The following WNK2 variants were observed in gnomAD, a reference collection of about 807,000 sequenced individuals.
The protein encoded by WNK2 is serine/threonine-protein kinase WNK2.
In WNK2, 67 loss-of-function variants were observed where a neutral mutation model predicts 192.1. The observed-to-expected ratio is 0.35, with a 90% CI of 0.29 to 0.43. WNK2 has a LOEUF of 0.43. Among genes scored for constraint, WNK2 ranks in the 20% least tolerant of loss-of-function variants. The probability of loss-of-function intolerance (pLI) is 1.00; values close to 1 mark genes in which losing one functional copy is unlikely to be tolerated. For missense variants in WNK2, 2,698 were observed against 3,089.7 expected (o/e 0.87, Z 3.01); for synonymous variants, 1,439 against 1,393.9 (o/e 1.03, Z -0.72).
At position 93,256,439 on chromosome 9, in the gene WNK2, AC is replaced by A; in HGVS notation, c.2181del (p.Gly728AlafsTer48). On this transcript the variant is annotated frameshift_variant, in exon 10 of 30. Coordinates refer to ENST00000427277, the MANE Select transcript of WNK2 (RefSeq NM_006648.4). LOFTEE classifies it high-confidence loss of function. ...PMPTGPGQPA[P>X]PGQQPPPLAQ... ...TGCCCACGGGCCCAGGCCAGCCAGCACCCCCCGGCCAGCAGGTGAGTGTGGC... is the reference window on the plus strand; with the variant it reads ...TGCCCACGGGCCCAGGCCAGCCAGCACCCCCGGCCAGCAGGTGAGTGTGGC... 5 of 1,526,528 alleles carry A rather than the reference AC, an allele frequency of 3.3e-6. No individual in the cohort carries two copies. Among genetic ancestry groups the A allele is most frequent in the East Asian group, 2.5e-5 (1 of 40,410 alleles). 94.6% of individuals were successfully genotyped at this position (1,526,528 alleles called of 1,614,324 possible).
chr9:93,253,618 T>C (rs890988208), intron 9 of WNK2, among the ~76,000 whole-genome samples: 5 of 151,780 alleles, frequency 3.3e-5, no homozygotes, highest in Admixed American at 2.6e-4. Flanking sequence ...CTCCCAGATA[T>C]TGTGTAGCGG....
intron 9 of WNK2, 34 bp downstream of exon 9, chr9:93,253,116 A>T (rs4744203): frequency 0.64 from 854,397 of 1,340,546 alleles, 276,123 homozygotes; most frequent in Non-Finnish European, 0.66. Flanking sequence ...CCCCTTCCCC[A>T]TCCCCATTAC....
chr9:93,204,339 G>A (rs1053640526), intron 2 of WNK2, among the ~76,000 whole-genome samples: 1 of 152,210 alleles, frequency 6.6e-6, no homozygotes, highest in Non-Finnish European at 1.5e-5. Flanking sequence ...TCTGTCAGCC[G>A]CATGGAATGG....
chr9:93,234,738 G>A lies in WNK2; in HGVS notation c.1076-70G>A, dbSNP rs1035295578. The A allele has an allele frequency of 1.7e-5, 26 of 1,543,946 alleles. No individual in the cohort carries two copies. The African/African-American group carries it at 2.4e-4, about 15-fold the overall frequency. On this transcript the variant is annotated intron_variant, in intron 4 of 29. Coordinates refer to ENST00000427277, the MANE Select transcript of WNK2 (RefSeq NM_006648.4). Reference sequence around the variant, plus strand: ...GGGGTTCTGGGCAGCCAAAGCTCCCGGGACACTGGCTCCAGCTCTTCCTGG... The same window carrying A: ...GGGGTTCTGGGCAGCCAAAGCTCCCAGGACACTGGCTCCAGCTCTTCCTGG...
chr9:93,297,972 C>G lies in WNK2; in HGVS notation c.5828C>G (p.Thr1943Ser). The G allele has an allele frequency of 6.4e-7, 1 of 1,570,262 alleles. No homozygotes were observed. Among genetic ancestry groups the G allele is most frequent in the Non-Finnish European group, 8.6e-7 (1 of 1,158,976 alleles). Residue 1943 changes from threonine (T) to serine (S), a missense_variant, in exon 24 of 30, where the codon ACT (threonine) becomes AGT (serine). Physicochemically the swap from Thr to Ser is moderately conservative, Grantham distance 58. Transcript: ENST00000427277. ...GGCTTCTTCCACACGGCACCCCCCACTGGCCGCCGGAGAAAAACCAGCAAG... is the reference window on the plus strand; with the variant it reads ...GGCTTCTTCCACACGGCACCCCCCAGTGGCCGCCGGAGAAAAACCAGCAAG... ...NVGFFHTAPP[T>S]GRRRKTSKSK...
intron 2 of WNK2, among the ~76,000 whole-genome samples, chr9:93,186,030 G>C (rs752025854): frequency 9.3e-4 from 142 of 152,168 alleles, no homozygotes; most frequent in Non-Finnish European, 1.6e-3. Context: ...TTCAAGGCCC[G>C]GTGTGTGCAG....
At chr9:93,246,508 G>A (rs992914486) in intron 7 of WNK2, among the ~76,000 whole-genome samples, 13 of 152,244 alleles carry the variant, frequency 8.5e-5, no homozygotes, top group Non-Finnish European at 1.9e-4. Flanking sequence ...CACACCAACA[G>A]CTCCAATTCC....
intron 4 of WNK2, 29 bp downstream of exon 4, chr9:93,231,137 T>C: frequency 6.2e-7 from 1 of 1,604,656 alleles, no homozygotes; most frequent in Non-Finnish European, 8.5e-7. Context: ...CCCAGGCCCT[T>C]GGAGCCCATG....
intron 28 of WNK2, among the ~76,000 whole-genome samples, chr9:93,309,511 A>AG (rs1564232088): frequency 6.6e-6 from 1 of 152,218 alleles, no homozygotes; most frequent in East Asian, 1.9e-4. Flanking sequence ...TTGCCATAAA[A>AG]GTATCCATAA....
At chr9:93,299,374 G>A in intron 25 of WNK2, 113 bp downstream of exon 25, 2 of 1,088,564 alleles carry the variant, frequency 1.8e-6, no homozygotes, top group Non-Finnish European at 2.5e-6. Context: ...GGCAAAGGCT[G>A]TTGAGAGGCT....
At chr9:93,296,638 A>C (rs1445905755) in intron 23 of WNK2, among the ~76,000 whole-genome samples, 37 of 28,918 alleles carry the variant, frequency 1.3e-3, no homozygotes, top group East Asian at 1.9e-3. Context: ...CTTCCCTTCC[A>C]TCCTCCCCTC....
chr9:93,243,248 CAAGACT>C (rs951069922), intron 7 of WNK2, among the ~76,000 whole-genome samples: 1 of 152,170 alleles, frequency 6.6e-6, no homozygotes, highest in African/African-American at 2.4e-5. Context: ...AGGAGCCTCC[CAAGACT>C]GCGACTCCTC....
chr9:93,277,544 G>A (rs1353180347), intron 19 of WNK2, among the ~76,000 whole-genome samples: 1 of 152,150 alleles, frequency 6.6e-6, no homozygotes. Flanking sequence ...ATCAACATGG[G>A]TGAACCTCAA....
At chr9:93,226,388 C>G (rs1837822692) in intron 2 of WNK2, among the ~76,000 whole-genome samples, 1 of 152,180 alleles carries the variant, frequency 6.6e-6, no homozygotes, top group Non-Finnish European at 1.5e-5. Context: ...TCTTCCATGT[C>G]TCTTAATGTT....
At chr9:93,300,441 G>A in intron 26 of WNK2, 1 of 310,020 alleles carries the variant, frequency 3.2e-6, no homozygotes, top group Non-Finnish European at 5.9e-6. Flanking sequence ...CCTCTGCCCA[G>A]AAGGACTGGA....
rs146534717 is a variant in WNK2 at position 93,297,877 on chromosome 9, G to A, written c.5733G>A (p.Leu1911=). Residue 1911 remains leucine (L), a synonymous_variant, in exon 24 of 30, where the codon CTG becomes CTA. Transcript: ENST00000427277. ...REKHLKEISE[L]QSQQKQEIEA... The stretch of plus-strand genomic sequence containing the variant: ...GGCACCTGAAGGAGATCTCGGAGCT[G>A]CAGAGCCAGCAGAAGCAGGAGATCG... 83 of 1,588,968 alleles carry A rather than the reference G, an allele frequency of 5.2e-5. No individual in the cohort carries two copies. Among genetic ancestry groups the A allele is most frequent in the Non-Finnish European group, 6.6e-5 (77 of 1,169,066 alleles).
At chr9:93,251,671 C>T (rs1478587232) in intron 8 of WNK2, among the ~76,000 whole-genome samples, 1 of 152,206 alleles carries the variant, frequency 6.6e-6, no homozygotes, top group East Asian at 1.9e-4. Flanking sequence ...GATCACACCA[C>T]TGCACTCCAG....
chr9:93,194,645 G>A (rs1235191893), intron 2 of WNK2, among the ~76,000 whole-genome samples: 1 of 152,166 alleles, frequency 6.6e-6, no homozygotes, highest in African/African-American at 2.4e-5. Context: ...AGGTCTTTTG[G>A]TAGTTTCTTA....
At chr9:93,310,972 A>G (rs907974706) in intron 28 of WNK2, among the ~76,000 whole-genome samples, 4 of 152,132 alleles carry the variant, frequency 2.6e-5, no homozygotes, top group Admixed American at 2.0e-4. Context: ...TCAAAAATAA[A>G]TAAATTCAGA....
Sources: allele counts gnomAD v4.1 joint callset (sites outside exome capture counted in the v4.1 genomes callset), GRCh38; gene constraint gnomAD v4.1.1; transcripts MANE v1.5; gene names NCBI Gene and HGNC (gene_info 2026-07-23, HGNC 2026-07-21).